The following PREPL variants were observed in gnomAD, a reference collection of about 807,000 sequenced individuals.
PREPL encodes prolyl endopeptidase like, also known as prolyl endopeptidase-like.
PREPL carries 77 observed loss-of-function variants against 70.6 expected under a neutral mutation model. The ratio of observed to expected loss-of-function variants is 1.09; its 90% CI spans 0.91 to 1.32. The LOEUF is 1.32. Among genes scored for constraint, PREPL ranks in the 40% most tolerant of loss-of-function variants. The pLI, the probability that PREPL is intolerant of heterozygous loss-of-function variation, is 0.00. For missense variants in PREPL, 1,002 were observed against 778.2 expected (o/e 1.29, Z -3.42); for synonymous variants, 315 against 264.8 (o/e 1.19, Z -1.84).
intron 10 of PREPL, 48 bp from the exon 11 acceptor site, chr2:44,323,459 G>C (rs768816987): frequency 1.9e-5 from 28 of 1,443,590 alleles, no homozygotes; most frequent in Non-Finnish European, 2.6e-5. Flanking sequence ...AGGTTGGTAA[G>C]TGAGTTTCAG....
At position 44,343,853 on chromosome 2, in the gene PREPL, C is replaced by A. The variant is rs1011441513; in HGVS notation, c.241G>T (p.Val81Leu). The change falls in exon 4 of 14, where the codon GTG becomes TTG. Residue 81 changes from valine to leucine, a missense_variant. Coordinates refer to ENST00000409411, the MANE Select transcript of PREPL (RefSeq NM_001171613.2). Reference protein sequence around the residue: ...CIRVAPDEKYVAAKIRTEDSE... With the variant: ...CIRVAPDEKYLAAKIRTEDSE... ...TCTTCAGTTCTTATCTTGGCAGCCA[C>A]ATATTTTTCATCTGGAGCAACTCTG... The A allele has an allele frequency of 3.7e-6, 6 of 1,613,872 alleles. No individual in the cohort carries two copies. In the African/African-American group the frequency reaches 8.0e-5, roughly 22 times the overall value.
At chr2:44,339,433 T>A (rs1279630973) in intron 5 of PREPL, 70 bp from the exon 6 acceptor site, 2 of 1,575,082 alleles carry the variant, frequency 1.3e-6, no homozygotes, top group Admixed American at 1.8e-5. Context: ...AAGGACAGTA[T>A]CTCAGAGGTG....
rs1033997219 is a variant in PREPL at position 44,322,031 on chromosome 2, CCAT to C, written c.1754-134_1754-132del. 7 of 875,320 alleles carry C rather than the reference CCAT, an allele frequency of 8.0e-6. No individual in the cohort carries two copies. The Admixed American group carries it at 1.2e-4, about 15-fold the overall frequency. 54.2% of individuals were successfully genotyped at this position (875,320 alleles called of 1,614,324 possible). A position where few individuals can be genotyped will look rare whatever the true frequency, so the allele number is the denominator to read the frequency against. On this transcript the variant is annotated intron_variant, in intron 12 of 13. Coordinates refer to ENST00000409411, the MANE Select transcript of PREPL (RefSeq NM_001171613.2). ...GTAAAGGAATAAAAAGCAAAAACCA[CCAT>C]CATCAACAAAAAGATGGGAGGGGAC...
At chr2:44,330,908 C>A (rs935292889) in intron 8 of PREPL, among the ~76,000 whole-genome samples, 2 of 152,082 alleles carry the variant, frequency 1.3e-5, no homozygotes, top group Non-Finnish European at 2.9e-5. Flanking sequence ...CCAATCTTCC[C>A]TCTTTTACTT....
Position 44,330,648 on chromosome 2 carries a change from AAATG to A in PREPL, c.1087-1540_1087-1537del, listed in dbSNP as rs375870194. 5.0e-4 allele frequency among the ~76,000 whole-genome samples: 76 copies of A among 152,310 alleles called. No homozygotes were observed. In the East Asian group the frequency reaches 8.7e-3, roughly 17 times the overall value. On this transcript the variant is annotated intron_variant, in intron 8 of 13. Coordinates refer to ENST00000409411, the MANE Select transcript of PREPL (RefSeq NM_001171613.2). The stretch of plus-strand genomic sequence containing the variant: ...TACTTAAAGATTGTCAGAGAAAAAT[AAATG>A]AATTAAAGAAAAAAATTCCTAAGAA...
At chr2:44,339,062 T>C (rs1015564674) in intron 6 of PREPL, 85 bp downstream of exon 6, 6 of 1,546,364 alleles carry the variant, frequency 3.9e-6, no homozygotes, top group Non-Finnish European at 5.2e-6. Context: ...TATAAAACAA[T>C]GAGCTCTTGG....
chr2:44,345,090 C>G (rs1487459377), intron 2 of PREPL, among the ~76,000 whole-genome samples: 2 of 152,178 alleles, frequency 1.3e-5, no homozygotes, highest in African/African-American at 4.8e-5. Context: ...ACTATTTCAC[C>G]TGCTGTAGGG....
At chr2:44,325,809 A>G (rs1673434042) in intron 10 of PREPL, among the ~76,000 whole-genome samples, 1 of 152,192 alleles carries the variant, frequency 6.6e-6, no homozygotes, top group Non-Finnish European at 1.5e-5. Context: ...ACTCTCTCCC[A>G]TCTCAGTCAT....
chr2:44,339,108 T>G (rs1459705632), intron 6 of PREPL, 39 bp downstream of exon 6: 1 of 1,608,526 alleles, frequency 6.2e-7, no homozygotes, highest in Non-Finnish European at 8.5e-7. Flanking sequence ...GTGACACTTC[T>G]TAACAGCCCA....
rs1572836403 is a variant in PREPL at position 44,321,834 on chromosome 2, T to C, written c.1820A>G (p.His607Arg). The C allele has an allele frequency of 6.2e-7, 1 of 1,613,820 alleles. No individual in the cohort carries two copies. The highest frequency in any genetic ancestry group is 8.5e-7 in the Non-Finnish European group (1 of 1,179,768). Residue 607 changes from histidine (H) to arginine (R), a missense_variant, in exon 13 of 14, where the codon CAC (histidine) becomes CGC (arginine). Physicochemically the swap from His to Arg is conservative, Grantham distance 29. Transcript: ENST00000409411. ...PGGNHVIEDS[H>R]KKITAQIKFL... ...AGGGCCTTGATAACATACCTTTTTG[T>C]GAGAATCCTCAATTACATGATTGCC...
At chr2:44,326,109 T>C (rs753599372) in intron 10 of PREPL, among the ~76,000 whole-genome samples, 2 of 152,186 alleles carry the variant, frequency 1.3e-5, no homozygotes, top group African/African-American at 2.4e-5. Flanking sequence ...TTTGCCTGGC[T>C]TTCTCAACTG....
Position 44,322,829 on chromosome 2 carries a change from GC to G in PREPL, c.1654del (p.Ala552HisfsTer10), listed in dbSNP as rs1380740345. 1 of 1,613,542 alleles carries G rather than the reference GC, an allele frequency of 6.2e-7. No homozygotes were observed. The highest frequency in any genetic ancestry group is 8.5e-7 in the Non-Finnish European group (1 of 1,179,668). ...AGGTACCCGTTCATCGTTTTCATATGCCGTTATGTGAATTGAAGGATAATGC... is the reference window on the plus strand; with the variant it reads ...AGGTACCCGTTCATCGTTTTCATATGCGTTATGTGAATTGAAGGATAATGC... ...PQHYPSIHIT[A>X]YENDERVPLK... On this transcript the variant is annotated frameshift_variant, in exon 12 of 14. Transcript: ENST00000409411. LOFTEE classifies it high-confidence loss of function.
At chr2:44,344,389 A>T in intron 3 of PREPL, 131 bp downstream of exon 3, 1 of 702,002 alleles carries the variant, frequency 1.4e-6, no homozygotes, top group Non-Finnish European at 2.3e-6. Context: ...ATTAAAAACT[A>T]GTCATTAAAA....
rs551383958 is a variant in PREPL at position 44,319,448 on chromosome 2, G to A, written c.*1908C>T. 3.3e-5 allele frequency: 5 copies of A among 152,352 alleles called. No individual in the cohort carries two copies. The highest frequency in any genetic ancestry group is 5.9e-5 in the Non-Finnish European group (4 of 68,020). 9.4% of individuals were successfully genotyped at this position (152,352 alleles called of 1,614,324 possible). A position where few individuals can be genotyped will look rare whatever the true frequency, so the allele number is the denominator to read the frequency against. ...CACTATCGTCAAAATGAAAGGGCAT[G>A]GCTGAGTATGGTACAACCGTTCAAC... On this transcript the variant is annotated 3_prime_UTR_variant, in exon 14 of 14. Coordinates refer to ENST00000409411, the MANE Select transcript of PREPL (RefSeq NM_001171613.2).
chr2:44,360,965 T>C (rs1349615011), intron 1 of PREPL, among the ~76,000 whole-genome samples: 2 of 152,028 alleles, frequency 1.3e-5, no homozygotes, highest in African/African-American at 2.4e-5. Flanking sequence ...CCTTTCCATG[T>C]CGCAGCAAAA....
intron 2 of PREPL, among the ~76,000 whole-genome samples, chr2:44,344,841 A>AG (rs751202983): frequency 1.3e-5 from 2 of 152,338 alleles, no homozygotes; most frequent in Non-Finnish European, 2.9e-5. Context: ...GGTATAACAA[A>AG]ATCTGTCAGT....
In PREPL at chr2:44,339,371, G is replaced by C. The variant is rs1206783802; in HGVS notation, c.486-8C>G. 9 of 1,611,730 alleles carry C rather than the reference G, an allele frequency of 5.6e-6. No homozygotes were observed. Among genetic ancestry groups the C allele is most frequent in the Middle Eastern group, 1.7e-4 (1 of 5,950 alleles). On this transcript the variant is annotated splice_region_variant and splice_polypyrimidine_tract_variant and intron_variant, in intron 5 of 13. Transcript: ENST00000409411. ...TAAAGGAAAACAAAGTAGCTAGAGA[G>C]AGAGAGAGAGACATGAGATCACAGT...
chr2:44,335,700 G>C (rs1471290310), intron 7 of PREPL, among the ~76,000 whole-genome samples: 1 of 151,662 alleles, frequency 6.6e-6, no homozygotes, highest in Non-Finnish European at 1.5e-5. Context: ...TCAGCAACTG[G>C]AAACTAAAGA....
At chr2:44,327,622 A>G (rs138852590) in intron 9 of PREPL, among the ~76,000 whole-genome samples, 39 of 152,298 alleles carry the variant, frequency 2.6e-4, no homozygotes, top group African/African-American at 9.1e-4. Flanking sequence ...GCATTTTGGT[A>G]GGCTGAGGTG....
Sources: allele counts gnomAD v4.1 joint callset (sites outside exome capture counted in the v4.1 genomes callset), GRCh38; gene constraint gnomAD v4.1.1; transcripts MANE v1.5; gene names NCBI Gene and HGNC (gene_info 2026-07-23, HGNC 2026-07-21).